Variants in RIN2 observed in about 807,000 individuals in gnomAD.
RIN2 encodes Ras and Rab interactor 2.
Under a neutral mutation model 78.0 loss-of-function variants are expected in RIN2, and 36 were observed. The observed-to-expected ratio is 0.46, with a 90% confidence interval of 0.35 to 0.61. RIN2 has a LOEUF of 0.61. Among genes scored for constraint, RIN2 ranks in the 20% least tolerant of loss-of-function variants. The probability of loss-of-function intolerance (pLI) is 0.00; values close to 1 mark genes in which losing one functional copy is unlikely to be tolerated. For synonymous variants in RIN2, 466 were observed against 466.8 expected (o/e 1.00, Z 0.02); for missense variants, 1,087 against 1,159.7 (o/e 0.94, Z 0.91).
At chr20:19,895,386 G>A (rs924014155) in intron 3 of RIN2, among the ~76,000 whole-genome samples, 12 of 152,060 alleles carry the variant, frequency 7.9e-5, no homozygotes, top group Admixed American at 1.3e-4. Flanking sequence ...ATTTCTTACC[G>A]GCATACCTTT....
intron 2 of RIN2, among the ~76,000 whole-genome samples, chr20:19,883,341 T>C (rs2038084342): frequency 1.3e-5 from 2 of 148,958 alleles, no homozygotes; most frequent in South Asian, 4.5e-4. Flanking sequence ...AGAGGACTTT[T>C]TTTTTTTTTT....
intron 1 of RIN2, among the ~76,000 whole-genome samples, chr20:19,790,539 C>T (rs964308660): frequency 2.6e-5 from 4 of 152,082 alleles, no homozygotes; most frequent in Non-Finnish European, 4.4e-5. Flanking sequence ...CACTTGTAGT[C>T]CTATCTACTC....
intron 9 of RIN2, among the ~76,000 whole-genome samples, chr20:19,984,278 T>A (rs1301030087): frequency 6.6e-6 from 1 of 152,148 alleles, no homozygotes; most frequent in Non-Finnish European, 1.5e-5. Context: ...GGGAGCATCA[T>A]AGAGTACTTA....
chr20:19,992,608 C>A (rs948779586), intron 11 of RIN2, among the ~76,000 whole-genome samples: 2 of 152,034 alleles, frequency 1.3e-5, no homozygotes, highest in Non-Finnish European at 2.9e-5. Context: ...AAGTAATACA[C>A]ACTCGTGGTA....
Position 19,989,539 on chromosome 20 carries a change from G to T in RIN2, c.1763-467G>T, listed in dbSNP as rs1240882980. Among the ~76,000 whole-genome samples the T allele has an allele frequency of 5.9e-5, 9 of 152,148 alleles. No homozygotes were observed. In the South Asian group the frequency reaches 1.2e-3, roughly 21 times the overall value. On this transcript the variant is annotated intron_variant, in intron 9 of 12. Transcript: ENST00000255006. Reference sequence around the variant, plus strand: ...GATCTGCCTGCCTCAGCCTCCCAAAGTGCTGGGATTACAGATGTGAGCTAC... The same window carrying T: ...GATCTGCCTGCCTCAGCCTCCCAAATTGCTGGGATTACAGATGTGAGCTAC...
intron 2 of RIN2, among the ~76,000 whole-genome samples, chr20:19,884,617 AT>A (rs1399588907): frequency 1.3e-5 from 2 of 152,166 alleles, no homozygotes; most frequent in East Asian, 3.8e-4. Flanking sequence ...TCAAACAGTG[AT>A]CCAAGACACT....
intron 2 of RIN2, among the ~76,000 whole-genome samples, chr20:19,844,593 G>GCTGCTTCCT (rs1568806843): frequency 6.1e-4 from 39 of 64,064 alleles, no homozygotes; most frequent in East Asian, 1.3e-3. Context: ...TGCTGCTGCT[G>GCTGCTTCCT]CTTCTTCCTC....
chr20:19,957,214 G>A (rs2041581276), intron 5 of RIN2, among the ~76,000 whole-genome samples: 1 of 152,194 alleles, frequency 6.6e-6, no homozygotes, highest in African/African-American at 2.4e-5. Context: ...TCCAACTTGG[G>A]ACCCAGCCTT....
chr20:19,900,998 C>T (rs1311679799), intron 3 of RIN2, among the ~76,000 whole-genome samples: 1 of 150,844 alleles, frequency 6.6e-6, no homozygotes, highest in African/African-American at 2.4e-5. Flanking sequence ...GGATTCCACT[C>T]CAGACCCAGA....
intron 2 of RIN2, among the ~76,000 whole-genome samples, chr20:19,805,719 T>C (rs2122749390): frequency 6.6e-6 from 1 of 152,224 alleles, no homozygotes; most frequent in Admixed American, 6.5e-5. Flanking sequence ...CAAGGACTTT[T>C]TTTTTTTTAA....
intron 2 of RIN2, chr20:19,886,659 A>G (rs1332873640): frequency 1.5e-6 from 2 of 1,335,486 alleles, no homozygotes; most frequent in East Asian, 5.1e-5. Flanking sequence ...ATCTGGAAAC[A>G]TCTACTGGAC....
chr20:19,902,277 C>T (rs1303394018), intron 3 of RIN2, among the ~76,000 whole-genome samples: 2 of 152,086 alleles, frequency 1.3e-5, no homozygotes, highest in Admixed American at 1.3e-4. Context: ...TCCTTGAGTC[C>T]TTGAGATGCT....
At chr20:19,886,173 T>C (rs1360436361) in intron 2 of RIN2, among the ~76,000 whole-genome samples, 1 of 152,204 alleles carries the variant, frequency 6.6e-6, no homozygotes, top group African/African-American at 2.4e-5. Context: ...AATCGGGGAC[T>C]CTGTGTTTCA....
chr20:19,776,607 C>A (rs2034318451), intron 1 of RIN2, among the ~76,000 whole-genome samples: 1 of 152,016 alleles, frequency 6.6e-6, no homozygotes, highest in Non-Finnish European at 1.5e-5. Context: ...TGGCGGCTGC[C>A]TGTAGTCCCA....
intron 2 of RIN2, among the ~76,000 whole-genome samples, chr20:19,828,385 G>C (rs1482375637): frequency 6.6e-6 from 1 of 152,182 alleles, no homozygotes; most frequent in Non-Finnish European, 1.5e-5. Flanking sequence ...TCTGAGGGCT[G>C]AATCTGCCCA....
At chr20:19,774,834 G>A (rs2034258428) in intron 1 of RIN2, among the ~76,000 whole-genome samples, 1 of 152,212 alleles carries the variant, frequency 6.6e-6, no homozygotes. Flanking sequence ...TGGCCTCAGT[G>A]AGACCAGATA....
chr20:19,988,905 A>ACG (rs1157754567), intron 9 of RIN2, among the ~76,000 whole-genome samples: 1 of 150,918 alleles, frequency 6.6e-6, no homozygotes, highest in African/African-American at 2.5e-5. Flanking sequence ...CTCTCTTCAC[A>ACG]CACACACACA....
intron 3 of RIN2, among the ~76,000 whole-genome samples, chr20:19,909,916 C>A (rs1195668105): frequency 6.6e-6 from 1 of 152,156 alleles, no homozygotes; most frequent in African/African-American, 2.4e-5. Flanking sequence ...GGGAGCCCAG[C>A]CAGTCTTGAG....
chr20:19,815,557 G>T (rs2122847296), intron 2 of RIN2, among the ~76,000 whole-genome samples: 1 of 152,192 alleles, frequency 6.6e-6, no homozygotes, highest in African/African-American at 2.4e-5. Context: ...TTTCTTCTTT[G>T]GACTTTTCAA....
Sources: allele counts gnomAD v4.1 joint callset (sites outside exome capture counted in the v4.1 genomes callset), GRCh38; gene constraint gnomAD v4.1.1; transcripts MANE v1.5; gene names NCBI Gene and HGNC (gene_info 2026-07-23, HGNC 2026-07-21).